The following PRKG1 variants were observed in gnomAD, a reference collection of about 807,000 sequenced individuals.
PRKG1 encodes cGMP-dependent protein kinase 1.
Under a neutral mutation model 88.1 loss-of-function variants are expected in PRKG1, and 35 were observed. That is an observed-to-expected ratio of 0.40 (90% CI 0.30 to 0.53). PRKG1 has a LOEUF of 0.53. Ranked by LOEUF, PRKG1 falls within the 20% of genes least tolerant of loss-of-function variation. The pLI, the probability that PRKG1 is intolerant of heterozygous loss-of-function variation, is 0.59. For missense variants in PRKG1, 540 were observed against 839.8 expected, an observed-to-expected ratio of 0.64 and a Z score of 4.41; for synonymous variants, 303 against 292.5, an observed-to-expected ratio of 1.04 and a Z score of -0.37.
In PRKG1 at chr10:51,516,193, C is replaced by A. The variant is rs565093279; in HGVS notation, c.592+48357C>A. ...CTCAGGAGAGAAGGGAGCTGGAATG[C>A]TGGAATGGGGATGGGAAGGGAAGGT... On this transcript the variant is annotated intron_variant, in intron 3 of 17. Coordinates refer to ENST00000373980, the MANE Select transcript of PRKG1 (RefSeq NM_006258.4). 1.7e-4 allele frequency among the ~76,000 whole-genome samples: 26 copies of A among 152,150 alleles called. No homozygotes were observed. In the South Asian group the frequency reaches 3.9e-3, roughly 23 times the overall value.
intron 5 of PRKG1, among the ~76,000 whole-genome samples, chr10:51,950,613 C>A (rs1266558948): frequency 6.6e-6 from 1 of 152,232 alleles, no homozygotes; most frequent in Non-Finnish European, 1.5e-5. Flanking sequence ...TGCAGCCAGA[C>A]CAGGAACTAG....
At chr10:51,698,579 A>T (rs1564612017) in intron 3 of PRKG1, 4 of 1,613,902 alleles carry the variant, frequency 2.5e-6, no homozygotes, top group Non-Finnish European at 3.4e-6. Context: ...TCGAGGAGGC[A>T]GACCACCAGG....
chr10:51,105,921 G>A (rs1844822579), intron 1 of PRKG1, among the ~76,000 whole-genome samples: 1 of 152,166 alleles, frequency 6.6e-6, no homozygotes, highest in East Asian at 1.9e-4. Context: ...ATATGATTTT[G>A]TGTAACAGAC....
chr10:52,030,856 A>G (rs1049013289), intron 5 of PRKG1, among the ~76,000 whole-genome samples: 1 of 152,208 alleles, frequency 6.6e-6, no homozygotes, highest in Admixed American at 6.5e-5. Context: ...TTAAAAAGGA[A>G]GAGGAATTCT....
At chr10:52,117,164 C>CTGTGTG (rs71459438) in intron 7 of PRKG1, among the ~76,000 whole-genome samples, 15,194 of 139,054 alleles carry the variant, frequency 0.11, 925 homozygotes, top group Middle Eastern at 0.13. Flanking sequence ...TGTGAAATAT[C>CTGTGTG]TGTGTGTGTG....
chr10:51,207,700 G>A (rs1838099048), intron 2 of PRKG1, among the ~76,000 whole-genome samples: 1 of 151,942 alleles, frequency 6.6e-6, no homozygotes, highest in Admixed American at 6.6e-5. Flanking sequence ...TTACTTTCCT[G>A]GCAGATTACA....
intron 5 of PRKG1, among the ~76,000 whole-genome samples, chr10:51,948,484 A>G (rs913952386): frequency 6.6e-6 from 1 of 151,846 alleles, no homozygotes; most frequent in Non-Finnish European, 1.5e-5. Context: ...TTTGGATTTC[A>G]TGTGATTCAG....
At chr10:51,371,457 C>T (rs986166834) in intron 2 of PRKG1, among the ~76,000 whole-genome samples, 2 of 151,438 alleles carry the variant, frequency 1.3e-5, no homozygotes, top group African/African-American at 4.9e-5. Context: ...CAAGAGAGAG[C>T]GAGAGAGAAA....
At chr10:51,316,700 A>G (rs1266447180) in intron 2 of PRKG1, among the ~76,000 whole-genome samples, 1 of 152,006 alleles carries the variant, frequency 6.6e-6, no homozygotes, top group Non-Finnish European at 1.5e-5. Context: ...AAATAAATAA[A>G]TAAATAAATA....
chr10:51,726,114 A>G (rs997151893), intron 3 of PRKG1, among the ~76,000 whole-genome samples: 36 of 152,204 alleles, frequency 2.4e-4, no homozygotes, highest in Admixed American at 2.4e-3. Flanking sequence ...GTAATTTCCC[A>G]TAATGTAATA....
intron 3 of PRKG1, among the ~76,000 whole-genome samples, chr10:51,735,464 GT>G (rs1391096651): frequency 1.2e-4 from 18 of 152,084 alleles, no homozygotes; most frequent in Non-Finnish European, 1.5e-5. Context: ...ACAGTATCCT[GT>G]TTTTCATGGT....
chr10:51,583,781 A>G (rs763841978), intron 3 of PRKG1, among the ~76,000 whole-genome samples: 3 of 152,142 alleles, frequency 2.0e-5, no homozygotes, highest in Non-Finnish European at 4.4e-5. Flanking sequence ...TAAGGTTTGC[A>G]TATATACTAT....
chr10:51,779,048 GA>G (rs2132559000), intron 3 of PRKG1, among the ~76,000 whole-genome samples: 1 of 152,282 alleles, frequency 6.6e-6, no homozygotes, highest in East Asian at 1.9e-4. Flanking sequence ...AGAACTTTAA[GA>G]AAAGGTTGGG....
At chr10:51,102,724 C>A (rs753021026) in intron 1 of PRKG1, among the ~76,000 whole-genome samples, 8 of 152,270 alleles carry the variant, frequency 5.3e-5, no homozygotes, top group Non-Finnish European at 7.3e-5. Context: ...AGTTAACAAG[C>A]CCCATCTATG....
In PRKG1 at chr10:52,035,846, C is replaced by T. The variant is rs1227770458; in HGVS notation, c.763-18638C>T. On this transcript the variant is annotated intron_variant, in intron 5 of 17. Coordinates refer to ENST00000373980, the MANE Select transcript of PRKG1 (RefSeq NM_006258.4). ...CTAAAAGTATTAAAGCAGCGGGAGC[C>T]GCTGCACGCAGACATGAGGGCTAGG... Among the ~76,000 whole-genome samples, 11 of 152,266 alleles carry T rather than the reference C, an allele frequency of 7.2e-5. 1 individual carries two copies. The East Asian group carries it at 1.4e-3, about 19-fold the overall frequency.
chr10:51,119,454 T>G (rs984469705), intron 1 of PRKG1, among the ~76,000 whole-genome samples: 1 of 152,044 alleles, frequency 6.6e-6, no homozygotes, highest in African/African-American at 2.4e-5. Flanking sequence ...CATTTTAGAC[T>G]CATGGTACAG....
chr10:51,330,152 ATTTATTTTT>A (rs1564449060), intron 2 of PRKG1, among the ~76,000 whole-genome samples: 5 of 116,076 alleles, frequency 4.3e-5, no homozygotes, highest in South Asian at 6.0e-4. Flanking sequence ...TTTATTTTTT[ATTTATTTTT>A]TTTTTTTGAG....
chr10:51,188,985 G>T (rs1817882966), intron 2 of PRKG1, among the ~76,000 whole-genome samples: 1 of 151,906 alleles, frequency 6.6e-6, no homozygotes, highest in South Asian at 2.1e-4. Context: ...GGGTTGGGCT[G>T]CACTAATGTA....
chr10:51,516,735 G>A (rs769825249), intron 3 of PRKG1, among the ~76,000 whole-genome samples: 3 of 152,220 alleles, frequency 2.0e-5, no homozygotes, highest in Non-Finnish European at 4.4e-5. Flanking sequence ...TGTTGACTAT[G>A]CTGATGTGAC....
Sources: gnomAD v4.1 joint callset for allele counts (sites outside exome capture counted in the v4.1 genomes callset) on GRCh38, gnomAD v4.1.1 for gene constraint, MANE v1.5 for transcripts, NCBI Gene and HGNC (gene_info 2026-07-23, HGNC 2026-07-21) for gene names.